Variants in BRD10 observed in about 807,000 individuals in gnomAD.
BRD10 encodes the protein bromodomain containing 10, also known as uncharacterized bromodomain-containing protein 10.
chr9:5,993,794 GC>G, the BRD10 span, among the ~76,000 whole-genome samples: 1 of 152,186 alleles, frequency 6.6e-6, no homozygotes, highest in East Asian at 1.9e-4. Flanking sequence ...TTATAAATCA[GC>G]CTTCTGGGGC....
the BRD10 span, among the ~76,000 whole-genome samples, chr9:5,974,975 A>G: frequency 6.6e-6 from 1 of 152,206 alleles, no homozygotes; most frequent in Non-Finnish European, 1.5e-5. Context: ...CATTCCAGGA[A>G]AAAGCTCAAG....
the BRD10 span, among the ~76,000 whole-genome samples, chr9:5,954,772 CA>C: frequency 2.0e-5 from 3 of 151,962 alleles, no homozygotes; most frequent in Admixed American, 1.3e-4. Flanking sequence ...TTTAACGTGA[CA>C]AAAAAATACA....
chr9:5,964,367 C>T, the BRD10 span, among the ~76,000 whole-genome samples: 4 of 152,052 alleles, frequency 2.6e-5, no homozygotes, highest in East Asian at 7.7e-4. Flanking sequence ...TACCATCTCA[C>T]ACCATTTAGA....
the BRD10 span, chr9:5,944,743 T>A: frequency 1.7e-5 from 9 of 516,050 alleles, no homozygotes; most frequent in Non-Finnish European, 2.4e-5. Context: ...AAAGAAACAA[T>A]GTTTCTATCT....
the BRD10 span, among the ~76,000 whole-genome samples, chr9:5,986,142 G>A: frequency 6.6e-6 from 1 of 152,090 alleles, no homozygotes; most frequent in Admixed American, 6.5e-5. Flanking sequence ...CCACCTTACA[G>A]GCTCCGGTGT....
chr9:5,889,964 C>T, the BRD10 span, among the ~76,000 whole-genome samples: 1 of 152,168 alleles, frequency 6.6e-6, no homozygotes, highest in Non-Finnish European at 1.5e-5. Context: ...GGACAGTTAA[C>T]ACCAAAGGCA....
chr9:6,001,804 A>G, the BRD10 span, among the ~76,000 whole-genome samples: 2 of 152,192 alleles, frequency 1.3e-5, no homozygotes, highest in Non-Finnish European at 2.9e-5. Flanking sequence ...TCTGCACACT[A>G]TAATATAGCT....
chr9:5,934,324 G>A, the BRD10 span, among the ~76,000 whole-genome samples: 1 of 150,944 alleles, frequency 6.6e-6, no homozygotes, highest in African/African-American at 2.4e-5. Flanking sequence ...TTCTGTGGTA[G>A]AGAAGGTATT....
At chr9:5,922,966 A>C in the BRD10 span, 15 of 1,613,892 alleles carry the variant, frequency 9.3e-6, no homozygotes, top group African/African-American at 1.9e-4. Flanking sequence ...TATTCTTTGC[A>C]AGCAAAGCCT....
At chr9:5,994,665 C>T in the BRD10 span, among the ~76,000 whole-genome samples, 1 of 152,172 alleles carries the variant, frequency 6.6e-6, no homozygotes, top group Non-Finnish European at 1.5e-5. Flanking sequence ...TCTCTTATCT[C>T]CCTGGACCAA....
the BRD10 span, chr9:5,944,761 T>C: frequency 1.9e-6 from 1 of 527,858 alleles, no homozygotes; most frequent in Non-Finnish European, 3.3e-6. Flanking sequence ...TCTTTCATGG[T>C]AAATTTTCAT....
the BRD10 span, among the ~76,000 whole-genome samples, chr9:5,948,152 G>A: frequency 6.6e-6 from 1 of 152,116 alleles, no homozygotes; most frequent in African/African-American, 2.4e-5. Context: ...AGCTGAAAGG[G>A]ACTAAAAATG....
chr9:5,911,124 A>G, the BRD10 span, among the ~76,000 whole-genome samples: 4 of 152,318 alleles, frequency 2.6e-5, 1 homozygote, highest in South Asian at 8.3e-4. Context: ...GCTCACTCCA[A>G]TGTCCTGGAG....
chr9:5,893,558 G>A, the BRD10 span, among the ~76,000 whole-genome samples: 18 of 152,138 alleles, frequency 1.2e-4, no homozygotes, highest in African/African-American at 4.3e-4. Context: ...AGATGAGGGC[G>A]GCGGTATCTT....
the BRD10 span, chr9:6,008,233 C>A: frequency 1.0e-6 from 1 of 980,390 alleles, no homozygotes; most frequent in Non-Finnish European, 1.2e-6. Flanking sequence ...GCCGCAGCGG[C>A]GGCTCCGGCT....
At chr9:5,883,458 T>A in the BRD10 span, among the ~76,000 whole-genome samples, 39 of 109,864 alleles carry the variant, frequency 3.5e-4, no homozygotes, top group African/African-American at 1.5e-3. Flanking sequence ...TATTCCTTCT[T>A]CTTCTTTTTT....
At chr9:5,897,629 A>T in the BRD10 span, 1 of 1,614,090 alleles carries the variant, frequency 6.2e-7, no homozygotes, top group East Asian at 2.2e-5. Flanking sequence ...ATTGTAGAAG[A>T]CGAAATGGAT....
chr9:6,007,580 A>G, the BRD10 span: 5 of 1,609,470 alleles, frequency 3.1e-6, no homozygotes, highest in Non-Finnish European at 4.2e-6. Flanking sequence ...TGCTCCTTGC[A>G]GCAACCGCCT....
the BRD10 span, chr9:6,007,471 C>A: frequency 1.6e-5 from 25 of 1,610,746 alleles, no homozygotes; most frequent in Non-Finnish European, 2.1e-5. Flanking sequence ...GGCAACGCCC[C>A]CCAAGGGCTG....
Sources: gnomAD v4.1 joint callset for allele counts (sites outside exome capture counted in the v4.1 genomes callset) on GRCh38, gnomAD v4.1.1 for gene constraint, MANE v1.5 for transcripts, NCBI Gene and HGNC (gene_info 2026-07-23, HGNC 2026-07-21) for gene names.